Variants in HFE observed in about 807,000 individuals in gnomAD.
HFE encodes hereditary hemochromatosis protein.
In HFE, 36 loss-of-function variants were observed where a neutral mutation model predicts 40.9. That is an observed-to-expected ratio of 0.88 (90% CI 0.67 to 1.16). The LOEUF is 1.16. Among genes scored for constraint, HFE ranks in the 50% most tolerant of loss-of-function variants. The pLI, the probability that HFE is intolerant of heterozygous loss-of-function variation, is 0.00. For missense variants in HFE, 376 were observed against 432.0 expected (o/e 0.87, Z 1.15); for synonymous variants, 157 against 165.4 (o/e 0.95, Z 0.39).
intron 1 of HFE, among the ~76,000 whole-genome samples, chr6:26,090,078 T>C (rs1279485513): frequency 6.6e-6 from 1 of 152,116 alleles, no homozygotes; most frequent in Non-Finnish European, 1.5e-5. Flanking sequence ...GGATCTGCAT[T>C]TGGACATGTT....
chr6:26,091,714 A>G, intron 3 of HFE, 125 bp downstream of exon 3: 1 of 951,874 alleles, frequency 1.1e-6, no homozygotes, highest in South Asian at 1.4e-5. Flanking sequence ...AATTCTGGGA[A>G]GGGACTTTCT....
chr6:26,089,126 T>TGGGGGGGGGGGGGGGGGGGGGGGGG (rs1762497233), intron 1 of HFE, among the ~76,000 whole-genome samples: 1 of 8,322 alleles, frequency 1.2e-4, no homozygotes, highest in Admixed American at 1.1e-3. Context: ...GGGGGCGGCG[T>TGGGGGGGGGGGGGGGGGGGGGGGGG]GGGGGTGGGA....
Position 26,094,245 on chromosome 6 carries a change from A to G in HFE, c.*19A>G. On this transcript the variant is annotated 3_prime_UTR_variant, in exon 6 of 6. Coordinates refer to ENST00000357618, the MANE Select transcript of HFE (RefSeq NM_000410.4). ...TGAGTGACACGCAGCCTGCAGACTC[A>G]CTGTGGGAAGGAGACAAAACTAGAG... The G allele has an allele frequency of 6.2e-7, 1 of 1,608,878 alleles. No homozygotes were observed. Among genetic ancestry groups the G allele is most frequent in the Non-Finnish European group, 8.5e-7 (1 of 1,175,290 alleles).
rs764535916 is a variant in HFE, at chr6:26,094,674, T to G, written c.*448T>G. ...AGATTTTTACACATGTATCTATGCA[T>G]TTTCTGGACCCGTTCAACTTTTCCT... On this transcript the variant is annotated 3_prime_UTR_variant, in exon 6 of 6. Coordinates refer to ENST00000357618, the MANE Select transcript of HFE (RefSeq NM_000410.4). 1.6e-5 allele frequency: 9 copies of G among 560,814 alleles called. No homozygotes were observed. The highest frequency in any genetic ancestry group is 1.2e-4 in the Admixed American group (4 of 32,394). The allele number at this position is 560,814 out of a possible 1,614,324, so 34.7% of individuals were successfully genotyped here. A position where few individuals can be genotyped will look rare whatever the true frequency, so the allele number is the denominator to read the frequency against.
Position 26,094,482 on chromosome 6 carries a change from A to T in HFE, c.*256A>T. The T allele has an allele frequency of 1.4e-6, 1 of 703,070 alleles. No individual in the cohort carries two copies. The highest frequency in any genetic ancestry group is 2.6e-6 in the Non-Finnish European group (1 of 385,014). The allele number at this position is 703,070 out of a possible 1,614,324, so 43.6% of individuals were successfully genotyped here. On this transcript the variant is annotated 3_prime_UTR_variant, in exon 6 of 6. Transcript: ENST00000357618. ...CTGTCTCTCATGAACCTCAAGCTGCATCTAGAGGCTTCCTTCATTTCCTCC... is the reference window on the plus strand; with the variant it reads ...CTGTCTCTCATGAACCTCAAGCTGCTTCTAGAGGCTTCCTTCATTTCCTCC...
chr6:26,096,830 T>C lies in HFE; in HGVS notation c.*2604T>C, dbSNP rs1763061401. 1 of 295,860 alleles carries C rather than the reference T, an allele frequency of 3.4e-6. No homozygotes were observed. The highest frequency in any genetic ancestry group is 6.6e-6 in the Non-Finnish European group (1 of 150,970). 18.3% of individuals were successfully genotyped at this position (295,860 alleles called of 1,614,324 possible). A position where few individuals can be genotyped will look rare whatever the true frequency, so the allele number is the denominator to read the frequency against. On this transcript the variant is annotated 3_prime_UTR_variant, in exon 6 of 6. Transcript: ENST00000357618. The stretch of plus-strand genomic sequence containing the variant: ...TTTAATAAATGTATATTGTATTGTA[T>C]ACTGCATGATTTTATTGAAGTTCTT...
At position 26,097,878 on chromosome 6, in the gene HFE, TC is replaced by T. The variant is rs1474939701; in HGVS notation, c.*3653del. ...ACACATTTAAAAACAAAACACTGTC[TC>T]TAAAATCCCCAAATTTTTCATAAAC... On this transcript the variant is annotated 3_prime_UTR_variant, in exon 6 of 6. Coordinates refer to ENST00000357618, the MANE Select transcript of HFE (RefSeq NM_000410.4). The T allele has an allele frequency of 6.6e-6, 1 of 152,216 alleles. No individual in the cohort carries two copies. The highest frequency in any genetic ancestry group is 2.4e-5 in the African/African-American group (1 of 41,452). The allele number at this position is 152,216 out of a possible 1,614,324, so 9.4% of individuals were successfully genotyped here. A position where few individuals can be genotyped will look rare whatever the true frequency, so the allele number is the denominator to read the frequency against.
chr6:26,093,032 T>C, intron 4 of HFE, 72 bp downstream of exon 4: 1 of 1,613,900 alleles, frequency 6.2e-7, no homozygotes, highest in Admixed American at 1.7e-5. Flanking sequence ...AGGAGGTAAT[T>C]ATGGCAGTGA....
chr6:26,088,438 A>T (rs879928420), intron 1 of HFE, among the ~76,000 whole-genome samples: 2 of 152,246 alleles, frequency 1.3e-5, no homozygotes, highest in Admixed American at 6.5e-5. Context: ...GGTTACAAAG[A>T]ACATAAATAA....
rs1224306184 is a variant in HFE at position 26,093,118 on chromosome 6, G to C, written c.893-1G>C. On this transcript the variant is annotated splice_acceptor_variant, in intron 4 of 5. Transcript: ENST00000357618. LOFTEE classifies it high-confidence loss of function. ...GCTTTAACTTGCTTTTTCTGTTTTA[G>C]AGCCCTCACCGTCTGGCACCCTAGT... 6.2e-7 allele frequency: 1 copy of C among 1,613,882 alleles called. No individual in the cohort carries two copies. The highest frequency in any genetic ancestry group is 1.7e-5 in the Admixed American group (1 of 60,006).
Position 26,091,365 on chromosome 6 carries a change from G to A in HFE, c.392G>A (p.Ser131Asn), listed in dbSNP as rs1274529120. ...GGCTGTGAAATGCAAGAAGACAACAGTACCGAGGGCTACTGGAAGTACGGG... is the reference window on the plus strand; with the variant it reads ...GGCTGTGAAATGCAAGAAGACAACAATACCGAGGGCTACTGGAAGTACGGG... ...ILGCEMQEDNSTEGYWKYGYD... is the reference protein window; with the variant it reads ...ILGCEMQEDNNTEGYWKYGYD... The change falls in exon 3 of 6, where the codon AGT (serine) becomes AAT (asparagine). Residue 131 changes from serine (S) to asparagine (N), a missense_variant. By Grantham distance (46) the Ser-to-Asn change is conservative. Around this residue, in one of 3 missense-constraint regions of HFE, gnomAD observed 200 missense variants for 228.5 expected, o/e 0.88. Coordinates refer to ENST00000357618, the MANE Select transcript of HFE (RefSeq NM_000410.4). The A allele has an allele frequency of 1.2e-6, 2 of 1,614,176 alleles. No individual in the cohort carries two copies. Among genetic ancestry groups the A allele is most frequent in the Non-Finnish European group, 1.7e-6 (2 of 1,180,028 alleles).
rs13210399 is a variant in HFE, at chr6:26,095,415, G to A, written c.*1189G>A. 16,616 of 152,086 alleles carry A rather than the reference G, an allele frequency of 0.11. 1,028 individuals are homozygous for A. Among genetic ancestry groups the A allele is most frequent in the African/African-American group, 0.16 (6,707 of 41,448 alleles). The allele number at this position is 152,086 out of a possible 1,614,324, so 9.4% of individuals were successfully genotyped here. On this transcript the variant is annotated 3_prime_UTR_variant, in exon 6 of 6. Coordinates refer to ENST00000357618, the MANE Select transcript of HFE (RefSeq NM_000410.4). ...GAGGCAGGAGAATGGCATGAACCCAGGAGGCAGAGCTTGCAGTGAGCCGAG... is the reference window on the plus strand; with the variant it reads ...GAGGCAGGAGAATGGCATGAACCCAAGAGGCAGAGCTTGCAGTGAGCCGAG...
rs1763101125 is a variant in HFE, at chr6:26,097,973, G to C, written c.*3747G>C. ...CAATGACTATCATTTAAATATTTCT[G>C]ACTTTCAAATTAAAGATTTTCACAT... On this transcript the variant is annotated 3_prime_UTR_variant, in exon 6 of 6. Transcript: ENST00000357618. The C allele has an allele frequency of 6.6e-6, 1 of 151,920 alleles. No individual in the cohort carries two copies. Among genetic ancestry groups the C allele is most frequent in the South Asian group, 2.1e-4 (1 of 4,818 alleles). 9.4% of individuals were successfully genotyped at this position (151,920 alleles called of 1,614,324 possible).
chr6:26,094,398 A>C lies in HFE; in HGVS notation c.*172A>C. 1.4e-6 allele frequency: 1 copy of C among 735,082 alleles called. No individual in the cohort carries two copies. The highest frequency in any genetic ancestry group is 2.4e-6 in the Non-Finnish European group (1 of 413,390). The allele number at this position is 735,082 out of a possible 1,614,324, so 45.5% of individuals were successfully genotyped here. A position where few individuals can be genotyped will look rare whatever the true frequency, so the allele number is the denominator to read the frequency against. The stretch of plus-strand genomic sequence containing the variant: ...TTCATTTCCTCAAAAAGATTTCCCC[A>C]TTTAGGTTTCTGAGTTCCTGCATGC... On this transcript the variant is annotated 3_prime_UTR_variant, in exon 6 of 6. Coordinates refer to ENST00000357618, the MANE Select transcript of HFE (RefSeq NM_000410.4).
rs62625359 is a variant in HFE, at chr6:26,095,350, G to A, written c.*1124G>A. ...TAAAAATACAAAAAATTAGCTGGGC[G>A]TGGTGGCAGACGCCTGTAGTCCCAG... On this transcript the variant is annotated 3_prime_UTR_variant, in exon 6 of 6. Coordinates refer to ENST00000357618, the MANE Select transcript of HFE (RefSeq NM_000410.4). 454 of 152,220 alleles carry A rather than the reference G, an allele frequency of 3.0e-3. 2 individuals are homozygous for A. Among genetic ancestry groups the A allele is most frequent in the Middle Eastern group, 0.027 (8 of 292 alleles). 9.4% of individuals were successfully genotyped at this position (152,220 alleles called of 1,614,324 possible). A position where few individuals can be genotyped will look rare whatever the true frequency, so the allele number is the denominator to read the frequency against.
intron 1 of HFE, among the ~76,000 whole-genome samples, chr6:26,087,992 C>G (rs1581659730): frequency 6.6e-6 from 1 of 152,154 alleles, no homozygotes; most frequent in Non-Finnish European, 1.5e-5. Context: ...GTTTCCACCT[C>G]AGAACGAATG....
rs748693003 is a variant in HFE at position 26,092,882 on chromosome 6, G to T, written c.814G>T (p.Val272Leu). ...CTACCAGGGCTGGATAACCTTGGCT[G>T]TACCCCCTGGGGAAGAGCAGAGATA... ...GTYQGWITLA[V>L]PPGEEQRYTC... The change falls in exon 4 of 6, where the codon GTA (valine) becomes TTA (leucine). Residue 272 changes from valine to leucine, a missense_variant. Around this residue, in one of 3 missense-constraint regions of HFE, gnomAD observed 173 missense variants for 186.9 expected, o/e 0.93. Coordinates refer to ENST00000357618, the MANE Select transcript of HFE (RefSeq NM_000410.4). 4 of 1,614,102 alleles carry T rather than the reference G, an allele frequency of 2.5e-6. No homozygotes were observed. Among genetic ancestry groups the T allele is most frequent in the African/African-American group, 1.3e-5 (1 of 74,932 alleles).
At chr6:26,089,918 A>G (rs1348477644) in intron 1 of HFE, among the ~76,000 whole-genome samples, 1 of 152,032 alleles carries the variant, frequency 6.6e-6, no homozygotes, top group African/African-American at 2.4e-5. Flanking sequence ...ACAGAGCAAG[A>G]CCCTGTCTCC....
In HFE at chr6:26,087,444, G is replaced by A. The variant is rs774304096; in HGVS notation, c.4G>A (p.Gly2Ser). ...ACGTGCGGCCAGAGCTGGGGAAATG[G>A]GCCCGCGAGCCAGGCCGGCGCTTCT... M[G>S]PRARPALLLL... Residue 2 changes from glycine (G) to serine (S), a missense_variant, in exon 1 of 6, where the codon GGC becomes AGC. Around this residue, in one of 3 missense-constraint regions of HFE, gnomAD observed 200 missense variants for 228.5 expected, o/e 0.88. Coordinates refer to ENST00000357618, the MANE Select transcript of HFE (RefSeq NM_000410.4). The A allele has an allele frequency of 1.9e-6, 3 of 1,614,028 alleles. No homozygotes were observed. Among genetic ancestry groups the A allele is most frequent in the Non-Finnish European group, 2.5e-6 (3 of 1,179,978 alleles).
Sources: allele counts gnomAD v4.1 joint callset (sites outside exome capture counted in the v4.1 genomes callset), GRCh38; gene constraint gnomAD v4.1.1; regional missense constraint gnomAD v4.1.1; transcripts MANE v1.5; gene names NCBI Gene and HGNC (gene_info 2026-07-23, HGNC 2026-07-21).